GNB4: variants seen among roughly 807,000 people sequenced by gnomAD.
GNB4 encodes the protein guanine nucleotide-binding protein subunit beta-4.
GNB4 carries 28 observed loss-of-function variants against 45.2 expected under a neutral mutation model. The observed-to-expected ratio is 0.62, with a 90% confidence interval of 0.46 to 0.85. The LOEUF is 0.85. Ranked by LOEUF, GNB4 falls within the 40% of genes least tolerant of loss-of-function variation. GNB4 has a pLI of 0.00. For synonymous variants in GNB4, 132 were observed against 143.7 expected (o/e 0.92, Z 0.58); for missense variants, 321 against 425.4 (o/e 0.75, Z 2.16).
chr3:179,465,624 C>CT, the GNB4 span, among the ~76,000 whole-genome samples: 1 of 151,826 alleles, frequency 6.6e-6, no homozygotes, highest in Non-Finnish European at 1.5e-5. Flanking sequence ...GATTAAAGGT[C>CT]TTTTTTTCTT....
the GNB4 span, among the ~76,000 whole-genome samples, chr3:179,470,367 TGGA>T: frequency 6.6e-6 from 1 of 151,984 alleles, no homozygotes; most frequent in African/African-American, 2.4e-5. Flanking sequence ...TGGCAAGATG[TGGA>T]GGAGGGAGAC....
chr3:179,501,192 A>G, the GNB4 span, among the ~76,000 whole-genome samples: 1 of 151,938 alleles, frequency 6.6e-6, no homozygotes, highest in Non-Finnish European at 1.5e-5. Context: ...CTCTTTCTTT[A>G]CAGTTACTCC....
the GNB4 span, among the ~76,000 whole-genome samples, chr3:179,509,168 T>TACAC: frequency 2.2e-3 from 320 of 146,982 alleles, 3 homozygotes; most frequent in African/African-American, 5.8e-3. Flanking sequence ...TATATATACA[T>TACAC]ACACACACAC....
At chr3:179,515,586 G>T in the GNB4 span, among the ~76,000 whole-genome samples, 1 of 152,224 alleles carries the variant, frequency 6.6e-6, no homozygotes, top group South Asian at 2.1e-4. Flanking sequence ...GTGGGAACCA[G>T]CCATTTCTAC....
At chr3:179,485,005 GTTTTTTT>G in the GNB4 span, among the ~76,000 whole-genome samples, 3 of 51,148 alleles carry the variant, frequency 5.9e-5, no homozygotes, top group Non-Finnish European at 1.2e-4. Context: ...TTTTCGTTTT[GTTTTTTT>G]TTTTTTTTTT....
chr3:179,439,119 C>T (rs1577039012), intron 1 of GNB4, among the ~76,000 whole-genome samples: 1 of 152,100 alleles, frequency 6.6e-6, no homozygotes, highest in Non-Finnish European at 1.5e-5. Flanking sequence ...GAGGGTAGAG[C>T]CCAGCAATCT....
the GNB4 span, among the ~76,000 whole-genome samples, chr3:179,513,202 T>C: frequency 6.6e-6 from 1 of 150,766 alleles, no homozygotes; most frequent in Non-Finnish European, 1.5e-5. Flanking sequence ...TTTTTTTTTT[T>C]TTTTTTTGAG....
chr3:179,464,346 A>T, the GNB4 span: 1 of 754,068 alleles, frequency 1.3e-6, no homozygotes, highest in Non-Finnish European at 2.4e-6. Context: ...GGCACAGGCT[A>T]TGGCTGCGAC....
At chr3:179,483,179 C>A in the GNB4 span, among the ~76,000 whole-genome samples, 1 of 152,050 alleles carries the variant, frequency 6.6e-6, no homozygotes, top group African/African-American at 2.4e-5. Flanking sequence ...GTATACCCTG[C>A]CTCCTTCCAC....
the GNB4 span, among the ~76,000 whole-genome samples, chr3:179,463,244 T>G: frequency 1.3e-5 from 2 of 152,166 alleles, no homozygotes; most frequent in Non-Finnish European, 2.9e-5. Flanking sequence ...CCTCCCCTAC[T>G]ACGTCTTTTA....
At chr3:179,447,498 A>AC (rs763930295) in intron 1 of GNB4, among the ~76,000 whole-genome samples, 1 of 151,890 alleles carries the variant, frequency 6.6e-6, no homozygotes, top group Non-Finnish European at 1.5e-5. Context: ...ACAGATATGC[A>AC]CCACCACGCC....
At chr3:179,464,230 G>A in the GNB4 span, 1 of 425,102 alleles carries the variant, frequency 2.4e-6, no homozygotes, top group Non-Finnish European at 4.3e-6. Context: ...AGGCTGAGGA[G>A]GGAAGATCAC....
At chr3:179,449,413 A>C in intron 1 of GNB4, among the ~76,000 whole-genome samples, 1 of 152,226 alleles carries the variant, frequency 6.6e-6, no homozygotes. Flanking sequence ...TGGAAAAACA[A>C]ACATGCTTCT....
At chr3:179,464,905 T>G in the GNB4 span, 15 of 1,505,660 alleles carry the variant, frequency 1.0e-5, no homozygotes, top group South Asian at 1.5e-4. Context: ...TTAAGCGAAC[T>G]GACATTCCAA....
At chr3:179,522,686 A>G in the GNB4 span, among the ~76,000 whole-genome samples, 3 of 152,194 alleles carry the variant, frequency 2.0e-5, no homozygotes, top group Non-Finnish European at 2.9e-5. Flanking sequence ...AATTGCCATC[A>G]ATAAACCAAG....
At chr3:179,422,839 C>G (rs1034381571) in intron 2 of GNB4, among the ~76,000 whole-genome samples, 1 of 152,136 alleles carries the variant, frequency 6.6e-6, no homozygotes, top group Non-Finnish European at 1.5e-5. Context: ...GTCGCCCAGG[C>G]TGGAGTGCAC....
At chr3:179,510,752 G>A in the GNB4 span, among the ~76,000 whole-genome samples, 1 of 152,142 alleles carries the variant, frequency 6.6e-6, no homozygotes, top group African/African-American at 2.4e-5. Context: ...CGTTTGCCTT[G>A]TTATAGGCTG....
chr3:179,475,809 T>C, the GNB4 span, among the ~76,000 whole-genome samples: 1 of 152,188 alleles, frequency 6.6e-6, no homozygotes, highest in Non-Finnish European at 1.5e-5. Context: ...CAAGTGATAA[T>C]GAACACACTC....
the GNB4 span, among the ~76,000 whole-genome samples, chr3:179,525,461 A>G: frequency 6.6e-6 from 1 of 152,088 alleles, no homozygotes; most frequent in Non-Finnish European, 1.5e-5. Context: ...GGGTAGAGAC[A>G]CGGAGAAGGG....
Sources: allele counts gnomAD v4.1 joint callset (sites outside exome capture counted in the v4.1 genomes callset), GRCh38; gene constraint gnomAD v4.1.1; transcripts MANE v1.5; gene names NCBI Gene and HGNC (gene_info 2026-07-23, HGNC 2026-07-21).